XK: variants seen among roughly 807,000 people sequenced by gnomAD.
XK encodes the protein X-linked Kx blood group antigen, Kell and VPS13A binding protein.
A neutral mutation model predicts 14.0 loss-of-function variants in XK; 2 were observed. That is an observed-to-expected ratio of 0.14 (90% CI 0.06 to 0.45). XK has a LOEUF of 0.45. XK is among the 20% of genes least tolerant of loss of function. XK has a pLI of 0.98. For missense variants in XK, 235 were observed against 341.5 expected (o/e 0.69, Z 2.46); for synonymous variants, 149 against 147.5 (o/e 1.01, Z -0.08).
intron 1 of XK, among the ~76,000 whole-genome samples, chrX:37,692,411 T>C (rs1485607256): frequency 9.0e-6 from 1 of 111,288 alleles, no homozygotes; most frequent in Non-Finnish European, 1.9e-5. Context: ...ATTCTGTTTT[T>C]GTTTTGTTTT....
chrX:37,716,306 T>C (rs1927764472), intron 2 of XK, among the ~76,000 whole-genome samples: 1 of 111,925 alleles, frequency 8.9e-6, no homozygotes, highest in South Asian at 3.7e-4. Context: ...TCTAAAAGGC[T>C]TTCATGTTGT....
At chrX:37,712,270 T>G (rs1190543179) in intron 2 of XK, among the ~76,000 whole-genome samples, 1 of 112,067 alleles carries the variant, frequency 8.9e-6, no homozygotes, top group Non-Finnish European at 1.9e-5. Context: ...ACACGTTGAC[T>G]AGATTCTGAA....
rs144059363 is a variant in XK at position 37,693,640 on chromosome X, A to C, written c.246-646A>C. On this transcript the variant is annotated intron_variant, in intron 1 of 2. Transcript: ENST00000378616. ...AAGTCACTGATTAAGTCTGGGACTG[A>C]CTTTAGTCCCGCCCTGTAAGGACTT... 1.6e-3 allele frequency among the ~76,000 whole-genome samples: 183 copies of C among 111,771 alleles called. 1 individual carries two copies. Among genetic ancestry groups the C allele is most frequent in the African/African-American group, 5.6e-3 (172 of 30,668 alleles).
chrX:37,707,212 G>T (rs868934151), intron 2 of XK, among the ~76,000 whole-genome samples: 1 of 110,406 alleles, frequency 9.1e-6, no homozygotes, highest in South Asian at 4.0e-4. Flanking sequence ...GGGCGGCCGG[G>T]CAGAGGTGAC....
At chrX:37,696,164 T>C (rs973808779) in intron 2 of XK, among the ~76,000 whole-genome samples, 3 of 112,381 alleles carry the variant, frequency 2.7e-5, no homozygotes, top group Non-Finnish European at 3.8e-5. Flanking sequence ...TAAAGTTCTA[T>C]TGGAATGCAG....
At chrX:37,687,397 A>G (rs1195237648) in intron 1 of XK, among the ~76,000 whole-genome samples, 3 of 110,423 alleles carry the variant, frequency 2.7e-5, no homozygotes, top group Non-Finnish European at 3.8e-5. Flanking sequence ...TCTCCAGAGT[A>G]GCTAGGACTG....
intron 2 of XK, among the ~76,000 whole-genome samples, chrX:37,712,807 G>C (rs782188737): frequency 2.7e-5 from 3 of 111,823 alleles, no homozygotes; most frequent in African/African-American, 9.7e-5. Context: ...TTTCATAGAC[G>C]AAAAAAGTGA....
rs28940595 is a variant in XK at position 37,693,996 on chromosome X, G to T, written c.246-290G>T. The stretch of plus-strand genomic sequence containing the variant: ...AGGGAAACTGCACATTTTTTCTGTG[G>T]CTCTGGAGCCGGAACCACTTTCCAT... On this transcript the variant is annotated intron_variant, in intron 1 of 2. Coordinates refer to ENST00000378616, the MANE Select transcript of XK (RefSeq NM_021083.4). Among the ~76,000 whole-genome samples the T allele has an allele frequency of 2.7e-3, 304 of 112,159 alleles. 2 individuals are homozygous for T. Among genetic ancestry groups the T allele is most frequent in the African/African-American group, 9.1e-3 (281 of 30,884 alleles).
At chrX:37,708,302 G>A (rs1401199488) in intron 2 of XK, among the ~76,000 whole-genome samples, 2 of 111,929 alleles carry the variant, frequency 1.8e-5, no homozygotes, top group Non-Finnish European at 3.8e-5. Flanking sequence ...AAGACAATGT[G>A]AGGAGTGAAA....
chrX:37,690,304 C>T (rs1172521756), intron 1 of XK, among the ~76,000 whole-genome samples: 2 of 111,936 alleles, frequency 1.8e-5, no homozygotes, highest in Non-Finnish European at 3.8e-5. Flanking sequence ...GGTTTTGCAG[C>T]ATTTTCTATT....
intron 2 of XK, among the ~76,000 whole-genome samples, chrX:37,710,671 G>C (rs1026137546): frequency 2.7e-5 from 3 of 111,230 alleles, no homozygotes; most frequent in Non-Finnish European, 5.7e-5. Flanking sequence ...AAATAAAAGA[G>C]AACCAACAAA....
intron 2 of XK, among the ~76,000 whole-genome samples, chrX:37,720,820 G>A (rs1556448767): frequency 9.0e-6 from 1 of 110,903 alleles, no homozygotes; most frequent in African/African-American, 3.3e-5. Flanking sequence ...ATGGCCTCTG[G>A]TTCCGTCCAT....
In XK at chrX:37,685,807, G is replaced by T. The variant is rs1556439963; in HGVS notation, c.-155G>T. On this transcript the variant is annotated 5_prime_UTR_variant, in exon 1 of 3. Coordinates refer to ENST00000378616, the MANE Select transcript of XK (RefSeq NM_021083.4). The stretch of plus-strand genomic sequence containing the variant: ...TCCAGTTCCAGAGCCCAGGCCGGTC[G>T]GCCGGGCCCGCGTGCCCTCGGCGGG... The T allele has an allele frequency of 2.0e-6, 1 of 488,452 alleles. No individual in the cohort carries two copies. Among genetic ancestry groups the T allele is most frequent in the African/African-American group, 2.7e-5 (1 of 37,398 alleles). 40.3% of individuals were successfully genotyped at this position (488,452 alleles called of 1,213,427 possible).
At chrX:37,689,024 A>G (rs1927152831) in intron 1 of XK, among the ~76,000 whole-genome samples, 1 of 112,447 alleles carries the variant, frequency 8.9e-6, no homozygotes, top group African/African-American at 3.2e-5. Flanking sequence ...CTTCTCAGCT[A>G]TATATAAAGT....
chrX:37,705,255 C>A (rs1394064581), intron 2 of XK, among the ~76,000 whole-genome samples: 1 of 108,231 alleles, frequency 9.2e-6, no homozygotes, highest in African/African-American at 3.4e-5. Flanking sequence ...ACCATCCTGG[C>A]TAACATGGTG....
intron 2 of XK, among the ~76,000 whole-genome samples, chrX:37,707,454 C>T (rs782202878): frequency 4.3e-4 from 43 of 100,258 alleles, no homozygotes; most frequent in African/African-American, 6.8e-4. Context: ...TCAGACGGGG[C>T]GGCTGCCGGG....
intron 2 of XK, among the ~76,000 whole-genome samples, 160 bp from the exon 3 acceptor site, chrX:37,727,476 A>G (rs1449685380): frequency 2.7e-5 from 3 of 111,311 alleles, no homozygotes; most frequent in African/African-American, 6.5e-5. Context: ...TCTGGAAAAC[A>G]TACTCAAGCA....
intron 2 of XK, among the ~76,000 whole-genome samples, chrX:37,702,103 G>A (rs1162433070): frequency 8.9e-6 from 1 of 111,878 alleles, no homozygotes; most frequent in Non-Finnish European, 1.9e-5. Context: ...GGCCAGGGGA[G>A]GGGGTGCTGC....
At chrX:37,706,175 T>C (rs2146821358) in intron 2 of XK, among the ~76,000 whole-genome samples, 1 of 111,766 alleles carries the variant, frequency 8.9e-6, no homozygotes, top group Non-Finnish European at 1.9e-5. Flanking sequence ...TTTTGAATTT[T>C]ATTTTGAAAG....
Sources: gnomAD v4.1 joint callset for allele counts (sites outside exome capture counted in the v4.1 genomes callset) on GRCh38, gnomAD v4.1.1 for gene constraint, MANE v1.5 for transcripts, NCBI Gene and HGNC (gene_info 2026-07-23, HGNC 2026-07-21) for gene names.